The following TBC1D22B variants were observed in gnomAD, a reference collection of about 807,000 sequenced individuals.
TBC1D22B encodes chromosome 6 open reading frame 197.
TBC1D22B carries 32 observed loss-of-function variants against 69.1 expected under a neutral mutation model. The observed-to-expected ratio is 0.46, with a 90% CI of 0.35 to 0.62. The LOEUF (loss-of-function observed/expected upper bound fraction) is 0.62. Among genes scored for constraint, TBC1D22B ranks in the 20% least tolerant of loss-of-function variants. TBC1D22B has a pLI of 0.00. For missense variants in TBC1D22B, 462 were observed against 630.9 expected (o/e 0.73, Z 2.87); for synonymous variants, 206 against 229.8 (o/e 0.90, Z 0.94).
intron 12 of TBC1D22B, among the ~76,000 whole-genome samples, chr6:37,329,984 G>C (rs1768534025): frequency 6.6e-6 from 1 of 152,180 alleles, no homozygotes; most frequent in South Asian, 2.1e-4. Flanking sequence ...GGATGCACAA[G>C]ACCTTTACAC....
chr6:37,280,962 C>G (rs2008782), intron 3 of TBC1D22B, among the ~76,000 whole-genome samples: 1 of 148,344 alleles, frequency 6.7e-6, no homozygotes, highest in East Asian at 2.0e-4. Context: ...CTAGTCCCCT[C>G]GTTACACTAG....
intron 2 of TBC1D22B, among the ~76,000 whole-genome samples, chr6:37,277,289 C>T (rs1766697262): frequency 1.3e-5 from 2 of 152,140 alleles, no homozygotes; most frequent in African/African-American, 4.8e-5. Context: ...TATTAGATGA[C>T]AGATCTTTCT....
chr6:37,307,835 TA>T (rs1167036950), intron 8 of TBC1D22B, among the ~76,000 whole-genome samples: 8 of 152,226 alleles, frequency 5.3e-5, no homozygotes, highest in Admixed American at 3.9e-4. Flanking sequence ...AGATCACATC[TA>T]GAAATTGTCC....
intron 6 of TBC1D22B, 41 bp from the exon 7 acceptor site, chr6:37,286,966 A>T: frequency 1.9e-6 from 3 of 1,574,204 alleles, no homozygotes; most frequent in Non-Finnish European, 2.6e-6. Flanking sequence ...AACAAAAAAA[A>T]ACTGGCATTT....
chr6:37,312,879 G>C, intron 8 of TBC1D22B, 39 bp from the exon 9 acceptor site: 7 of 1,536,904 alleles, frequency 4.6e-6, no homozygotes, highest in Non-Finnish European at 6.3e-6. Flanking sequence ...TCCATTTTTA[G>C]ATAAGACCTC....
chr6:37,288,660 T>C (rs1170409765), intron 7 of TBC1D22B, among the ~76,000 whole-genome samples: 3 of 151,088 alleles, frequency 2.0e-5, no homozygotes. Flanking sequence ...GAGGATCTCT[T>C]GAGCCCAGGT....
intron 2 of TBC1D22B, among the ~76,000 whole-genome samples, chr6:37,273,743 G>A (rs1766576478): frequency 6.6e-6 from 1 of 152,110 alleles, no homozygotes; most frequent in Admixed American, 6.6e-5. Context: ...TTACAACATG[G>A]GGTCGCGTCT....
intron 8 of TBC1D22B, among the ~76,000 whole-genome samples, chr6:37,311,235 C>CCCA (rs1201406050): frequency 1.3e-5 from 2 of 151,674 alleles, no homozygotes; most frequent in Non-Finnish European, 2.9e-5. Flanking sequence ...GATAAAGCAC[C>CCCA]CCACCCTTCT....
chr6:37,297,206 T>C (rs112853929), intron 8 of TBC1D22B, among the ~76,000 whole-genome samples: 58 of 152,350 alleles, frequency 3.8e-4, no homozygotes, highest in African/African-American at 1.3e-3. Flanking sequence ...TGTAATCTAA[T>C]ATACAGTCGT....
intron 1 of TBC1D22B, among the ~76,000 whole-genome samples, chr6:37,259,202 A>G (rs1366984592): frequency 6.6e-6 from 1 of 152,162 alleles, no homozygotes; most frequent in East Asian, 1.9e-4. Context: ...TATGGAGAAT[A>G]GGGTGGAAAT....
intron 1 of TBC1D22B, among the ~76,000 whole-genome samples, chr6:37,263,977 CT>C (rs1766189771): frequency 6.6e-6 from 1 of 151,648 alleles, no homozygotes; most frequent in African/African-American, 2.4e-5. Context: ...ATTTTCTGTA[CT>C]TTTCTTTGTG....
chr6:37,284,240 C>T (rs953912268), intron 5 of TBC1D22B, 96 bp from the exon 6 acceptor site: 2 of 1,585,026 alleles, frequency 1.3e-6, no homozygotes, highest in Non-Finnish European at 1.7e-6. Context: ...AGTTTTCCTT[C>T]TTGGTAGTTT....
At chr6:37,276,761 C>T (rs939702405) in intron 2 of TBC1D22B, among the ~76,000 whole-genome samples, 5 of 152,094 alleles carry the variant, frequency 3.3e-5, no homozygotes, top group African/African-American at 1.2e-4. Context: ...CATGGTGGTG[C>T]GTGCCTGTAG....
chr6:37,276,607 A>G (rs1352041804), intron 2 of TBC1D22B, among the ~76,000 whole-genome samples: 1 of 152,224 alleles, frequency 6.6e-6, no homozygotes, highest in African/African-American at 2.4e-5. Flanking sequence ...TACTTCAAAT[A>G]TATATTGAAT....
intron 8 of TBC1D22B, among the ~76,000 whole-genome samples, chr6:37,294,649 T>A (rs1486420704): frequency 6.6e-6 from 1 of 152,260 alleles, no homozygotes; most frequent in Non-Finnish European, 1.5e-5. Flanking sequence ...ATACTTTGCC[T>A]GTGCTTTATA....
intron 1 of TBC1D22B, among the ~76,000 whole-genome samples, chr6:37,261,940 G>C (rs900874900): frequency 3.3e-5 from 3 of 91,986 alleles, no homozygotes; most frequent in Non-Finnish European, 4.3e-5. Flanking sequence ...AAAAAGCTTT[G>C]GTCAGTGTGT....
At chr6:37,287,236 T>A (rs1767034364) in intron 7 of TBC1D22B, among the ~76,000 whole-genome samples, 164 bp downstream of exon 7, 1 of 152,222 alleles carries the variant, frequency 6.6e-6, no homozygotes, top group African/African-American at 2.4e-5. Context: ...TTGTTACAAA[T>A]CTGTGAGCGG....
intron 8 of TBC1D22B, among the ~76,000 whole-genome samples, chr6:37,307,662 G>GA (rs1477667970): frequency 2.0e-5 from 3 of 152,108 alleles, no homozygotes; most frequent in African/African-American, 7.2e-5. Context: ...CCTGTTATCA[G>GA]AAAATATTAC....
At chr6:37,315,322 C>T (rs1221128506) in intron 10 of TBC1D22B, among the ~76,000 whole-genome samples, 2 of 151,986 alleles carry the variant, frequency 1.3e-5, no homozygotes, top group Non-Finnish European at 1.5e-5. Flanking sequence ...TAATCCCAGC[C>T]GAGGCAGGAG....
Sources: allele counts gnomAD v4.1 joint callset (sites outside exome capture counted in the v4.1 genomes callset), GRCh38; gene constraint gnomAD v4.1.1; transcripts MANE v1.5; gene names NCBI Gene and HGNC (gene_info 2026-07-23, HGNC 2026-07-21).